Variants in APCDD1L observed in about 807,000 individuals in gnomAD.
APCDD1L encodes APC down-regulated 1 like.
APCDD1L carries 21 observed loss-of-function variants against 24.2 expected under a neutral mutation model. The observed-to-expected ratio is 0.87, with a 90% CI of 0.61 to 1.25. The LOEUF is 1.25. Among genes scored for constraint, APCDD1L ranks in the 50% most tolerant of loss-of-function variants. The pLI is 0.00. For synonymous variants in APCDD1L, 321 were observed against 323.6 expected (o/e 0.99, Z 0.09); for missense variants, 704 against 711.7 (o/e 0.99, Z 0.12).
intron 1 of APCDD1L, among the ~76,000 whole-genome samples, chr20:58,510,288 A>G (rs1335011360): frequency 6.6e-6 from 1 of 152,204 alleles, no homozygotes; most frequent in Non-Finnish European, 1.5e-5. Context: ...ACAGGAGGGC[A>G]CACAATACAC....
At chr20:58,470,953 A>G (rs1293249800) in intron 1 of APCDD1L, among the ~76,000 whole-genome samples, 4 of 152,146 alleles carry the variant, frequency 2.6e-5, no homozygotes, top group African/African-American at 7.2e-5. Context: ...TCCCCGACGC[A>G]TCTCCTCCTG....
At chr20:58,472,407 G>A (rs1266781910) in intron 1 of APCDD1L, among the ~76,000 whole-genome samples, 1 of 152,240 alleles carries the variant, frequency 6.6e-6, no homozygotes, top group African/African-American at 2.4e-5. Context: ...CATGCCACCC[G>A]GATGTGGCAA....
chr20:58,494,393 A>G lies in APCDD1L; in HGVS notation c.49+20266T>C, dbSNP rs895467782. Among the ~76,000 whole-genome samples, 1 of 151,756 alleles carries G rather than the reference A, an allele frequency of 6.6e-6. No homozygotes were observed. Among genetic ancestry groups the G allele is most frequent in the South Asian group, 2.1e-4 (1 of 4,806 alleles). ...CATTCTGTCGCATAGGCTAGAGTAC[A>G]ATGGGATCGGCTCACTGCAGCCTCA... On this transcript the variant is annotated intron_variant, in intron 1 of 3. Transcript: ENST00000371149. The surrounding 1 kb of genome is among the most constrained non-coding windows in gnomAD (Gnocchi z 4.8).
At chr20:58,486,108 G>A (rs1424988368) in intron 1 of APCDD1L, among the ~76,000 whole-genome samples, 1 of 152,334 alleles carries the variant, frequency 6.6e-6, no homozygotes, top group East Asian at 1.9e-4. Flanking sequence ...CCACTATGGA[G>A]TAAGAGTTGG....
At position 58,507,719 on chromosome 20, in the gene APCDD1L, C is replaced by T. The variant is rs919369900; in HGVS notation, c.49+6940G>A. 4.6e-5 allele frequency among the ~76,000 whole-genome samples: 7 copies of T among 152,248 alleles called. No individual in the cohort carries two copies. In the South Asian group the frequency reaches 6.2e-4, roughly 14 times the overall value. On this transcript the variant is annotated intron_variant, in intron 1 of 3. Coordinates refer to ENST00000371149, the MANE Select transcript of APCDD1L (RefSeq NM_153360.3). ...GTTTCAGGAAGCTTGGGTGAAAAAA[C>T]AGCAAGCTGAAAAAAAATTGCAACA...
intron 3 of APCDD1L, among the ~76,000 whole-genome samples, chr20:58,463,901 G>GT (rs1989662316): frequency 7.4e-6 from 1 of 135,438 alleles, no homozygotes; most frequent in Non-Finnish European, 1.6e-5. Flanking sequence ...TTTTGGGGGG[G>GT]GGGGGCGTCA....
Position 58,487,953 on chromosome 20 carries a change from C to T in APCDD1L, c.50-17206G>A, listed in dbSNP as rs6100085. On this transcript the variant is annotated intron_variant, in intron 1 of 3. Transcript: ENST00000371149. ...GTTTAATTCCTTTCATATATATGTGCGTGCCTGTGTGTGCATCCGTGTGTG... is the reference window on the plus strand; with the variant it reads ...GTTTAATTCCTTTCATATATATGTGTGTGCCTGTGTGTGCATCCGTGTGTG... Among the ~76,000 whole-genome samples, 560 of 152,078 alleles carry T rather than the reference C, an allele frequency of 3.7e-3. 2 individuals carry two copies. Among genetic ancestry groups the T allele is most frequent in the African/African-American group, 0.013 (527 of 41,486 alleles).
chr20:58,498,882 C>G (rs1224639654), intron 1 of APCDD1L, among the ~76,000 whole-genome samples: 1 of 152,264 alleles, frequency 6.6e-6, no homozygotes, highest in Non-Finnish European at 1.5e-5. Context: ...GCCATGGGCA[C>G]CTGCCTCACA....
chr20:58,461,004 C>G lies in APCDD1L; in HGVS notation c.1292G>C (p.Arg431Thr), dbSNP rs762877239. The G allele has an allele frequency of 1.9e-6, 3 of 1,614,082 alleles. No individual in the cohort carries two copies. In the South Asian group the frequency reaches 3.3e-5, roughly 18 times the overall value. Residue 431 changes from arginine (R) to threonine (T), a missense_variant, in exon 4 of 4, where the codon AGG (arginine) becomes ACG (threonine). Transcript: ENST00000371149. The surrounding 1 kb of genome is among the most constrained non-coding windows in gnomAD (Gnocchi z 6.0). ...LGQSLLFIGQ[R>T]PTDGSSPDTP... ...ATCGGGACTTGAGCCATCGGTGGGC[C>G]TTTGTCCGATGAAGAGCAGGCTTTG...
intron 3 of APCDD1L, among the ~76,000 whole-genome samples, chr20:58,465,392 G>A (rs912193925): frequency 6.6e-6 from 1 of 152,158 alleles, no homozygotes; most frequent in African/African-American, 2.4e-5. Context: ...CAGTGCTCCC[G>A]CATTGGGGCA....
intron 1 of APCDD1L, among the ~76,000 whole-genome samples, chr20:58,496,179 T>C (rs1255864036): frequency 2.0e-5 from 3 of 152,206 alleles, no homozygotes; most frequent in African/African-American, 4.8e-5. Context: ...AGCCATAACC[T>C]GTGCCCAGCC....
chr20:58,514,498 C>A (rs974656740), intron 1 of APCDD1L, among the ~76,000 whole-genome samples, 161 bp downstream of exon 1: 4 of 152,228 alleles, frequency 2.6e-5, no homozygotes, highest in Non-Finnish European at 4.4e-5. Context: ...GCGCAGGTGC[C>A]GGCCAGGTGA....
intron 1 of APCDD1L, among the ~76,000 whole-genome samples, chr20:58,482,664 T>G (rs972203886): frequency 4.6e-5 from 7 of 151,948 alleles, no homozygotes; most frequent in Non-Finnish European, 8.8e-5. Flanking sequence ...AGCTCTGGAG[T>G]CTTCGAAGCC....
At chr20:58,479,136 C>T (rs376572316) in intron 1 of APCDD1L, among the ~76,000 whole-genome samples, 9 of 152,132 alleles carry the variant, frequency 5.9e-5, no homozygotes, top group African/African-American at 2.2e-4. Flanking sequence ...TTTACTGGTG[C>T]ATGTTTTCTA....
intron 1 of APCDD1L, among the ~76,000 whole-genome samples, chr20:58,505,378 G>T (rs1990513051): frequency 6.6e-6 from 1 of 151,972 alleles, no homozygotes; most frequent in Non-Finnish European, 1.5e-5. Flanking sequence ...TGTGTTTCTT[G>T]TTCTAACATT....
At chr20:58,488,431 A>C (rs1415725055) in intron 1 of APCDD1L, among the ~76,000 whole-genome samples, 1 of 152,202 alleles carries the variant, frequency 6.6e-6, no homozygotes, top group Non-Finnish European at 1.5e-5. Flanking sequence ...CATTCTTTTC[A>C]AACACATGTG....
chr20:58,468,090 T>C (rs574781779), intron 2 of APCDD1L, among the ~76,000 whole-genome samples: 12 of 152,152 alleles, frequency 7.9e-5, no homozygotes, highest in Non-Finnish European at 1.6e-4. Flanking sequence ...CTAGGCTCAC[T>C]GCCCTGACCA....
At chr20:58,496,508 T>C (rs1173141452) in intron 1 of APCDD1L, among the ~76,000 whole-genome samples, 8 of 152,220 alleles carry the variant, frequency 5.3e-5, no homozygotes, top group African/African-American at 1.9e-4. Context: ...TGCCTGAGTC[T>C]GGGAGATCAG....
At chr20:58,492,434 A>T (rs955084840) in intron 1 of APCDD1L, among the ~76,000 whole-genome samples, 14 of 152,248 alleles carry the variant, frequency 9.2e-5, no homozygotes, top group African/African-American at 3.4e-4. Context: ...AGATATATAG[A>T]GACGTCAAAT....
Sources: gnomAD v4.1 joint callset for allele counts (sites outside exome capture counted in the v4.1 genomes callset) on GRCh38, gnomAD v4.1.1 for gene constraint, Gnocchi (gnomAD v3.1) non-coding constraint, MANE v1.5 for transcripts, NCBI Gene and HGNC (gene_info 2026-07-23, HGNC 2026-07-21) for gene names.